Variants in DNAH14 observed in about 807,000 individuals in gnomAD.
DNAH14 encodes the protein axonemal beta dynein heavy chain 14.
Under a neutral mutation model 520.9 loss-of-function variants are expected in DNAH14, and 478 were observed. The observed-to-expected ratio is 0.92, with a 90% confidence interval of 0.85 to 0.99. The LOEUF (loss-of-function observed/expected upper bound fraction) is 0.99, where lower values mean the gene tolerates loss of function less well. Ranked by LOEUF, DNAH14 falls within the 50% of genes least tolerant of loss-of-function variation. The probability of loss-of-function intolerance (pLI) is 0.00; values close to 1 mark genes in which losing one functional copy is unlikely to be tolerated. For missense variants in DNAH14, 4,831 were observed against 5,234.5 expected (o/e 0.92, Z 2.38); for synonymous variants, 1,581 against 1,757.2 (o/e 0.90, Z 2.51).
At chr1:225,205,181 T>C (rs1334946008) in intron 39 of DNAH14, among the ~76,000 whole-genome samples, 1 of 152,168 alleles carries the variant, frequency 6.6e-6, no homozygotes, top group African/African-American at 2.4e-5. Flanking sequence ...TTTGTGTCCC[T>C]CCAAAATCCA....
intron 9 of DNAH14, among the ~76,000 whole-genome samples, chr1:225,007,187 TCTTA>T (rs776459258): frequency 2.6e-5 from 4 of 152,220 alleles, no homozygotes; most frequent in Admixed American, 6.6e-5. Context: ...TTCAGTTTAA[TCTTA>T]CTTATTGTTT....
intron 44 of DNAH14, among the ~76,000 whole-genome samples, chr1:225,255,251 G>A (rs627414): frequency 0.61 from 92,307 of 151,996 alleles, 28,616 homozygotes; most frequent in East Asian, 0.83. Flanking sequence ...TCAATCCACA[G>A]CTAAGAGTGC....
rs1246016049 is a variant in DNAH14 at position 224,955,071 on chromosome 1, G to A, written c.190G>A (p.Glu64Lys). Reference protein sequence around the residue: ...LEYKTVRTFSESLKSEKTEDY... With the variant: ...LEYKTVRTFSKSLKSEKTEDY... ...ATATAAAACAGTTAGAACATTCTCT[G>A]AATCTTTGAAGTCAGAGAAAACAGA... The change falls in exon 3 of 86, where the codon GAA becomes AAA. Residue 64 changes from glutamate to lysine, a missense_variant. By Grantham distance (56) the Glu-to-Lys change is moderately conservative (BLOSUM62 1). Coordinates refer to ENST00000682510, the MANE Select transcript of DNAH14 (RefSeq NM_001367479.1). 3.1e-6 allele frequency: 5 copies of A among 1,610,378 alleles called. No homozygotes were observed. The highest frequency in any genetic ancestry group is 2.2e-5 in the East Asian group (1 of 44,604).
At chr1:225,398,046 C>CAA (rs11458055) in intron 84 of DNAH14, 9,178 of 64,330 alleles carry the variant, frequency 0.14, 829 homozygotes, top group Non-Finnish European at 0.16. Flanking sequence ...GACCCCATGT[C>CAA]AAAAAAAAAA....
chr1:225,066,133 T>C (rs2070857400), intron 17 of DNAH14, among the ~76,000 whole-genome samples: 2 of 152,232 alleles, frequency 1.3e-5, no homozygotes, highest in South Asian at 4.1e-4. Flanking sequence ...TTTTTTCATA[T>C]ATCTGTTGGC....
chr1:225,082,613 G>C lies in DNAH14; in HGVS notation c.3201G>C (p.Leu1067=), dbSNP rs1433832635. Residue 1067 remains leucine, a synonymous_variant, in exon 20 of 86, where the codon CTG becomes CTC. Coordinates refer to ENST00000682510, the MANE Select transcript of DNAH14 (RefSeq NM_001367479.1). ...KQVVTEFKQE[L]PIIIALGNPC... is the part of the protein sequence containing the mutation. ...TGGTAACAGAGTTTAAACAAGAGCT[G>C]CCTATCATTATAGCTCTGGGAAATC... is the stretch of plus-strand genomic sequence containing the variant. 3 of 1,551,506 alleles carry C rather than the reference G, an allele frequency of 1.9e-6. No homozygotes were observed. In the Admixed American group the frequency reaches 5.9e-5, roughly 30 times the overall value.
chr1:225,016,734 T>C (rs1328456835), intron 10 of DNAH14, among the ~76,000 whole-genome samples: 1 of 152,006 alleles, frequency 6.6e-6, no homozygotes, highest in Non-Finnish European at 1.5e-5. Context: ...CTGTTTTTTT[T>C]CTTTTTCTTT....
At chr1:225,379,640 G>A (rs1282752361) in intron 79 of DNAH14, among the ~76,000 whole-genome samples, 1 of 151,950 alleles carries the variant, frequency 6.6e-6, no homozygotes, top group Non-Finnish European at 1.5e-5. Context: ...TGATTCTCGT[G>A]CCTCAGCCTC....
intron 27 of DNAH14, among the ~76,000 whole-genome samples, chr1:225,126,090 A>G (rs2077692246): frequency 6.6e-6 from 1 of 152,200 alleles, no homozygotes; most frequent in African/African-American, 2.4e-5. Flanking sequence ...GTCCTCCCAA[A>G]CAATTACAAT....
intron 22 of DNAH14, among the ~76,000 whole-genome samples, chr1:225,097,802 A>G (rs2075121181): frequency 6.6e-6 from 1 of 152,160 alleles, no homozygotes; most frequent in Non-Finnish European, 1.5e-5. Context: ...ATACATCATT[A>G]TAATCCCAAA....
chr1:225,398,935 T>A, intron 85 of DNAH14, 119 bp from the exon 86 acceptor site: 1 of 893,932 alleles, frequency 1.1e-6, no homozygotes, highest in Non-Finnish European at 1.7e-6. Flanking sequence ...ACATTAACCA[T>A]TTAACCTTAA....
intron 15 of DNAH14, among the ~76,000 whole-genome samples, chr1:225,046,552 A>T (rs1031864293): frequency 6.6e-6 from 1 of 152,170 alleles, no homozygotes; most frequent in African/African-American, 2.4e-5. Context: ...TCATGAATTG[A>T]ATAATCCATT....
At chr1:225,323,082 G>A (rs372990995) in intron 62 of DNAH14, among the ~76,000 whole-genome samples, 29 of 152,270 alleles carry the variant, frequency 1.9e-4, no homozygotes, top group East Asian at 7.7e-4. Flanking sequence ...GTGTGATACC[G>A]TTTAGAAATA....
At chr1:225,328,001 C>T (rs958030239) in intron 64 of DNAH14, among the ~76,000 whole-genome samples, 1 of 152,004 alleles carries the variant, frequency 6.6e-6, no homozygotes, top group Non-Finnish European at 1.5e-5. Flanking sequence ...TTGGGAGTTC[C>T]AAGAGAAGAG....
At chr1:224,939,700 A>G (rs1404991764) in intron 1 of DNAH14, among the ~76,000 whole-genome samples, 1 of 152,108 alleles carries the variant, frequency 6.6e-6, no homozygotes, top group East Asian at 1.9e-4. Flanking sequence ...AAAAAAAACT[A>G]ATCAAAAAAC....
rs1192213991 is a variant in DNAH14 at position 225,338,120 on chromosome 1, G to GA, written c.10377dup (p.Gly3460ArgfsTer9). On this transcript the variant is annotated frameshift_variant, in exon 68 of 86. Transcript: ENST00000682510. LOFTEE classifies it high-confidence loss of function. ...CAATTCTGAAAAAGGATATCTATCAGAAAAAAGGACACTATTTCATAAGGG... is the reference window on the plus strand; with the variant it reads ...CAATTCTGAAAAAGGATATCTATCAGAAAAAAAGGACACTATTTCATAAGGG... 3.2e-6 allele frequency: 5 copies of GA among 1,551,298 alleles called. No individual in the cohort carries two copies. Among genetic ancestry groups the GA allele is most frequent in the Admixed American group, 2.0e-5 (1 of 50,936 alleles).
At chr1:225,076,666 C>A (rs558652672) in intron 17 of DNAH14, among the ~76,000 whole-genome samples, 43 of 152,266 alleles carry the variant, frequency 2.8e-4, no homozygotes, top group African/African-American at 9.9e-4. Context: ...TGTTTCTGAG[C>A]TGTTTTTCAA....
chr1:225,100,576 C>T (rs994613427), intron 22 of DNAH14, 137 bp from the exon 23 acceptor site: 43 of 712,202 alleles, frequency 6.0e-5, no homozygotes, highest in Non-Finnish European at 8.3e-5. Flanking sequence ...TAAAAAGTAT[C>T]TTTGATGATT....
chr1:225,141,873 G>T (rs755128165), intron 28 of DNAH14, among the ~76,000 whole-genome samples: 2 of 152,128 alleles, frequency 1.3e-5, no homozygotes, highest in Non-Finnish European at 2.9e-5. Flanking sequence ...TTAGTGAGAA[G>T]AGATTGAGTA....
Sources: allele counts gnomAD v4.1 joint callset (sites outside exome capture counted in the v4.1 genomes callset), GRCh38; gene constraint gnomAD v4.1.1; transcripts MANE v1.5; gene names NCBI Gene and HGNC (gene_info 2026-07-23, HGNC 2026-07-21).